Variants in DPP10 observed in about 807,000 individuals in gnomAD.
The protein encoded by DPP10 is inactive dipeptidyl peptidase 10.
Under a neutral mutation model 120.9 loss-of-function variants are expected in DPP10, and 33 were observed. The ratio of observed to expected loss-of-function variants is 0.27; its 90% confidence interval spans 0.21 to 0.37. The LOEUF is 0.37. Among genes scored for constraint, DPP10 ranks in the 10% least tolerant of loss-of-function variants. The pLI is 1.00. For synonymous variants in DPP10, 337 were observed against 326.1 expected (o/e 1.03, Z -0.36); for missense variants, 816 against 942.8 (o/e 0.87, Z 1.76).
intron 1 of DPP10, among the ~76,000 whole-genome samples, chr2:115,009,484 C>T (rs186156959): frequency 2.8e-4 from 42 of 151,116 alleles, no homozygotes; most frequent in African/African-American, 7.8e-4. Context: ...TGCTAGATGA[C>T]GAGTTAGTGG....
intron 1 of DPP10, among the ~76,000 whole-genome samples, chr2:114,926,850 A>ATT (rs11450459): frequency 0.18 from 24,275 of 136,528 alleles, 2,430 homozygotes; most frequent in Middle Eastern, 0.27. Context: ...GGAAGATACA[A>ATT]TTTTTTTTTT....
At chr2:115,734,487 C>A (rs2092986166) in intron 8 of DPP10, among the ~76,000 whole-genome samples, 1 of 151,674 alleles carries the variant, frequency 6.6e-6, no homozygotes, top group Non-Finnish European at 1.5e-5. Flanking sequence ...AAAACCCCGT[C>A]TCTAATAAAA....
intron 1 of DPP10, among the ~76,000 whole-genome samples, chr2:115,143,432 TG>T (rs2051038435): frequency 6.6e-6 from 1 of 152,204 alleles, no homozygotes. Context: ...AGGCTAAGGA[TG>T]TCTTTAAGAT....
intron 1 of DPP10, among the ~76,000 whole-genome samples, chr2:115,058,917 G>A (rs1051761424): frequency 1.6e-4 from 24 of 152,088 alleles, no homozygotes; most frequent in African/African-American, 5.3e-4. Context: ...TCTGTTGAGT[G>A]CCTTCAGCGG....
chr2:115,492,313 C>T (rs1309697256), intron 3 of DPP10, among the ~76,000 whole-genome samples: 1 of 152,012 alleles, frequency 6.6e-6, no homozygotes, highest in East Asian at 1.9e-4. Flanking sequence ...AAGTGAGCAG[C>T]ATATGGAAAG....
intron 3 of DPP10, among the ~76,000 whole-genome samples, chr2:115,485,461 C>T (rs557272336): frequency 1.3e-5 from 2 of 152,124 alleles, no homozygotes; most frequent in South Asian, 4.1e-4. Context: ...ATTCTTGGGT[C>T]TGATTGTTGT....
chr2:115,384,561 AG>A (rs1559521822), intron 3 of DPP10, among the ~76,000 whole-genome samples: 87 of 13,536 alleles, frequency 6.4e-3, no homozygotes, highest in Non-Finnish European at 0.016. Flanking sequence ...AAGAAGAGGA[AG>A]AAGAAGAAGA....
intron 1 of DPP10, among the ~76,000 whole-genome samples, chr2:115,181,389 G>C (rs2054068524): frequency 6.6e-6 from 1 of 152,192 alleles, no homozygotes; most frequent in Non-Finnish European, 1.5e-5. Flanking sequence ...GGTGGGCAGT[G>C]CTTCTGGTTC....
Position 114,617,150 on chromosome 2 carries a change from C to A in DPP10, c.60+174312C>A, listed in dbSNP as rs138336449. On this transcript the variant is annotated intron_variant, in intron 1 of 25. Transcript: ENST00000410059. ...CAAAGGAGTGGAAAAAACCATATTA[C>A]AATGCAATGTGTGATTCTAGAGTGG... Among the ~76,000 whole-genome samples the A allele has an allele frequency of 3.9e-5, 6 of 152,120 alleles. No individual in the cohort carries two copies. In the East Asian group the frequency reaches 1.2e-3, roughly 29 times the overall value.
At chr2:114,979,778 TTAG>T (rs2104846162) in intron 1 of DPP10, among the ~76,000 whole-genome samples, 1 of 152,126 alleles carries the variant, frequency 6.6e-6, no homozygotes. Context: ...TACCAGTAAA[TTAG>T]TAGGAAATAA....
At chr2:115,249,272 T>A (rs2058660162) in intron 1 of DPP10, among the ~76,000 whole-genome samples, 2 of 152,070 alleles carry the variant, frequency 1.3e-5, no homozygotes, top group African/African-American at 2.4e-5. Context: ...ATTGAAGGTG[T>A]TCAAACAGAT....
At chr2:114,678,134 A>G (rs1349394942) in intron 1 of DPP10, among the ~76,000 whole-genome samples, 2 of 152,130 alleles carry the variant, frequency 1.3e-5, no homozygotes, top group Admixed American at 6.6e-5. Context: ...CTTAATTACA[A>G]TGAGAGGAAA....
At chr2:114,709,765 GT>G (rs996482922) in intron 1 of DPP10, among the ~76,000 whole-genome samples, 2 of 152,106 alleles carry the variant, frequency 1.3e-5, no homozygotes, top group African/African-American at 4.8e-5. Flanking sequence ...ATGGGAATAC[GT>G]TCTAATAAGA....
intron 1 of DPP10, among the ~76,000 whole-genome samples, chr2:114,919,737 A>C (rs915078116): frequency 1.1e-4 from 17 of 152,230 alleles, no homozygotes; most frequent in African/African-American, 3.4e-4. Flanking sequence ...ATCAACTATT[A>C]TTCTGATAGT....
intron 1 of DPP10, among the ~76,000 whole-genome samples, chr2:114,664,220 C>A (rs1162208377): frequency 6.6e-6 from 1 of 151,962 alleles, no homozygotes; most frequent in Non-Finnish European, 1.5e-5. Context: ...AAATTCTGAA[C>A]TCCTTTCCCT....
intron 1 of DPP10, among the ~76,000 whole-genome samples, chr2:114,910,121 T>C (rs1694257871): frequency 6.6e-6 from 1 of 151,822 alleles, no homozygotes; most frequent in Non-Finnish European, 1.5e-5. Context: ...CTTTAGGCAC[T>C]TAGGCCTTCC....
chr2:114,958,567 T>C (rs1048438221), intron 1 of DPP10, among the ~76,000 whole-genome samples: 2 of 152,214 alleles, frequency 1.3e-5, no homozygotes, highest in Admixed American at 6.5e-5. Flanking sequence ...TGTGAGGTGA[T>C]GGATATGTTA....
At chr2:114,921,258 G>C (rs1305832557) in intron 1 of DPP10, among the ~76,000 whole-genome samples, 1 of 152,110 alleles carries the variant, frequency 6.6e-6, no homozygotes, top group Non-Finnish European at 1.5e-5. Flanking sequence ...TTGCTGTAAG[G>C]TATTTTGGCC....
intron 19 of DPP10, among the ~76,000 whole-genome samples, chr2:115,803,627 G>A (rs1685542661): frequency 6.6e-6 from 1 of 152,122 alleles, no homozygotes. Flanking sequence ...GGCAGGCCTG[G>A]TGGTGACAAA....
Sources: allele counts gnomAD v4.1 joint callset (sites outside exome capture counted in the v4.1 genomes callset), GRCh38; gene constraint gnomAD v4.1.1; transcripts MANE v1.5; gene names NCBI Gene and HGNC (gene_info 2026-07-23, HGNC 2026-07-21).